Variants in ITFG1 observed in about 807,000 individuals in gnomAD.
The protein encoded by ITFG1 is integrin alpha FG-GAP repeat containing 1.
ITFG1 carries 34 observed loss-of-function variants against 81.8 expected under a neutral mutation model. The observed-to-expected ratio is 0.42, with a 90% CI of 0.32 to 0.55. ITFG1 has a LOEUF of 0.55. ITFG1 is among the 20% of genes least tolerant of loss of function. ITFG1 has a pLI of 0.17. For synonymous variants in ITFG1, 285 were observed against 270.6 expected (o/e 1.05, Z -0.52); for missense variants, 672 against 755.4 (o/e 0.89, Z 1.29).
rs574087747 is a variant in ITFG1, at chr16:47,270,586, G to C, written c.1071-9891C>G. ...ATTTACAAAGGAAAGCACATGTTCA[G>C]ACAATAACTTGTACATGAATGTTCA... On this transcript the variant is annotated intron_variant, in intron 10 of 17. Coordinates refer to ENST00000320640, the MANE Select transcript of ITFG1 (RefSeq NM_030790.5). Among the ~76,000 whole-genome samples, 278 of 152,284 alleles carry C rather than the reference G, an allele frequency of 1.8e-3. 1 individual carries two copies. Among genetic ancestry groups the C allele is most frequent in the African/African-American group, 6.4e-3 (265 of 41,570 alleles).
chr16:47,370,635 G>A (rs886674226), intron 7 of ITFG1, among the ~76,000 whole-genome samples: 6 of 152,208 alleles, frequency 3.9e-5, no homozygotes, highest in African/African-American at 1.2e-4. Context: ...TAGTATGCCC[G>A]GTTGAGCCTC....
chr16:47,406,947 T>C (rs924392220), intron 6 of ITFG1, among the ~76,000 whole-genome samples: 9 of 152,320 alleles, frequency 5.9e-5, no homozygotes, highest in Middle Eastern at 3.4e-3. Flanking sequence ...AGGTTGGACC[T>C]TGTCTTGTAT....
At chr16:47,439,067 C>T (rs1171083537) in intron 5 of ITFG1, among the ~76,000 whole-genome samples, 1 of 152,094 alleles carries the variant, frequency 6.6e-6, no homozygotes, top group Non-Finnish European at 1.5e-5. Flanking sequence ...ATGCGATGAA[C>T]TGGAAGAAAG....
chr16:47,400,105 T>C (rs558666819), intron 6 of ITFG1, among the ~76,000 whole-genome samples: 1 of 152,358 alleles, frequency 6.6e-6, no homozygotes, highest in East Asian at 1.9e-4. Flanking sequence ...AGCTGGTCAG[T>C]GGTAGAATCA....
At chr16:47,303,379 G>A (rs543240233) in intron 10 of ITFG1, among the ~76,000 whole-genome samples, 1 of 152,170 alleles carries the variant, frequency 6.6e-6, no homozygotes, top group African/African-American at 2.4e-5. Context: ...GAGAAAAGGT[G>A]ATGGGCTTAT....
At chr16:47,175,214 G>A (rs1352037503) in intron 14 of ITFG1, among the ~76,000 whole-genome samples, 1 of 151,974 alleles carries the variant, frequency 6.6e-6, no homozygotes, top group African/African-American at 2.4e-5. Context: ...TCTGTGGCAA[G>A]TACTTCTTGT....
chr16:47,236,921 CAA>C (rs1421254492), intron 13 of ITFG1, among the ~76,000 whole-genome samples: 6 of 152,198 alleles, frequency 3.9e-5, no homozygotes, highest in South Asian at 2.1e-4. Context: ...TGTTCTTAGC[CAA>C]AGAGAGCTGC....
chr16:47,231,881 A>C (rs1567430486), intron 13 of ITFG1, among the ~76,000 whole-genome samples: 1 of 152,236 alleles, frequency 6.6e-6, no homozygotes, highest in Non-Finnish European at 1.5e-5. Flanking sequence ...ATGTCATTAA[A>C]GATCTCAAGA....
At chr16:47,306,421 C>G (rs1157151732) in intron 10 of ITFG1, among the ~76,000 whole-genome samples, 1 of 151,728 alleles carries the variant, frequency 6.6e-6, no homozygotes, top group Admixed American at 6.6e-5. Flanking sequence ...TCCAAAAAAC[C>G]ACCATAAAAA....
intron 1 of ITFG1, among the ~76,000 whole-genome samples, chr16:47,459,640 G>A (rs896383206): frequency 6.6e-6 from 1 of 152,172 alleles, no homozygotes; most frequent in African/African-American, 2.4e-5. Flanking sequence ...AAGCATGTGA[G>A]CACAAAATGC....
chr16:47,449,470 T>G (rs1248379189), intron 5 of ITFG1: 1 of 152,232 alleles, frequency 6.6e-6, no homozygotes, highest in East Asian at 1.9e-4. Flanking sequence ...TATTCAGCTT[T>G]CTGTTGTCTG....
At chr16:47,193,425 T>C (rs568536567) in intron 14 of ITFG1, among the ~76,000 whole-genome samples, 2 of 152,294 alleles carry the variant, frequency 1.3e-5, no homozygotes, top group Admixed American at 1.3e-4. Context: ...AGATTTTTTA[T>C]TGACATCTTT....
At chr16:47,444,474 C>T (rs1969297103) in intron 5 of ITFG1, among the ~76,000 whole-genome samples, 1 of 151,942 alleles carries the variant, frequency 6.6e-6, no homozygotes, top group Admixed American at 6.6e-5. Flanking sequence ...ACATGACAAA[C>T]TTTTCCTATG....
chr16:47,267,743 A>G (rs530233448), intron 10 of ITFG1, among the ~76,000 whole-genome samples: 3 of 152,296 alleles, frequency 2.0e-5, no homozygotes, highest in Non-Finnish European at 4.4e-5. Flanking sequence ...TGGGAAAGCA[A>G]TAACAGTTAT....
chr16:47,256,297 C>G lies in ITFG1; in HGVS notation c.1330+2335G>C, dbSNP rs9932666. ...AATTGTGTGACTTCTGTTTGGTTCC[C>G]CTGGGAACTCAAATCTGCAGCAGTT... On this transcript the variant is annotated intron_variant, in intron 12 of 17. Coordinates refer to ENST00000320640, the MANE Select transcript of ITFG1 (RefSeq NM_030790.5). Among the ~76,000 whole-genome samples, 642 of 152,200 alleles carry G rather than the reference C, an allele frequency of 4.2e-3. 5 individuals carry two copies. The highest frequency in any genetic ancestry group is 0.015 in the African/African-American group (613 of 41,512).
chr16:47,414,076 C>A (rs1240865881), intron 6 of ITFG1, among the ~76,000 whole-genome samples: 1 of 151,994 alleles, frequency 6.6e-6, no homozygotes, highest in African/African-American at 2.4e-5. Flanking sequence ...CCACCTTGGC[C>A]TCCCAAAGTC....
chr16:47,259,190 T>C (rs548333553), intron 11 of ITFG1, among the ~76,000 whole-genome samples: 1 of 152,352 alleles, frequency 6.6e-6, no homozygotes, highest in South Asian at 2.1e-4. Context: ...ATTCCTTTGA[T>C]TCTTTTCATG....
At chr16:47,456,907 A>G (rs1256388516) in intron 2 of ITFG1, among the ~76,000 whole-genome samples, 1 of 152,196 alleles carries the variant, frequency 6.6e-6, no homozygotes, top group Non-Finnish European at 1.5e-5. Context: ...TCCAATGGGA[A>G]AAACAAAAAT....
chr16:47,272,702 C>T (rs2151546641), intron 10 of ITFG1, among the ~76,000 whole-genome samples: 1 of 151,960 alleles, frequency 6.6e-6, no homozygotes, highest in Non-Finnish European at 1.5e-5. Flanking sequence ...AGCCTGAATA[C>T]ACTTTTAAAA....
Sources: gnomAD v4.1 joint callset for allele counts (sites outside exome capture counted in the v4.1 genomes callset) on GRCh38, gnomAD v4.1.1 for gene constraint, MANE v1.5 for transcripts, NCBI Gene and HGNC (gene_info 2026-07-23, HGNC 2026-07-21) for gene names.